The following ROBO2 variants were observed in gnomAD, a reference collection of about 807,000 sequenced individuals.
The protein encoded by ROBO2 is roundabout guidance receptor 2.
Under a neutral mutation model 160.8 loss-of-function variants are expected in ROBO2, and 53 were observed. The ratio of observed to expected loss-of-function variants is 0.33; its 90% CI spans 0.26 to 0.41. ROBO2 has a LOEUF of 0.41. Ranked by LOEUF, ROBO2 falls within the 10% of genes least tolerant of loss-of-function variation. The pLI is 1.00. For missense variants in ROBO2, 1,577 were observed against 1,722.4 expected (o/e 0.92, Z 1.49); for synonymous variants, 664 against 611.7 (o/e 1.09, Z -1.26).
intron 2 of ROBO2, among the ~76,000 whole-genome samples, chr3:76,019,966 T>C (rs142337958): frequency 3.1e-4 from 47 of 152,084 alleles, no homozygotes; most frequent in African/African-American, 1.1e-3. Flanking sequence ...ATTTGTATTA[T>C]GGCCTCCCCA....
intron 2 of ROBO2, among the ~76,000 whole-genome samples, chr3:76,240,576 C>T (rs1037542167): frequency 1.3e-5 from 2 of 152,048 alleles, no homozygotes; most frequent in African/African-American, 4.8e-5. Flanking sequence ...AATCTAAGTG[C>T]TATGATTGGA....
chr3:76,103,510 T>G (rs1198205485), intron 2 of ROBO2, among the ~76,000 whole-genome samples: 1 of 152,158 alleles, frequency 6.6e-6, no homozygotes, highest in Non-Finnish European at 1.5e-5. Context: ...ATGAAGAGAT[T>G]AGAATTATTC....
At chr3:76,446,668 G>T (rs567363144) in intron 2 of ROBO2, among the ~76,000 whole-genome samples, 377 of 152,290 alleles carry the variant, frequency 2.5e-3, no homozygotes, top group African/African-American at 8.5e-3. Flanking sequence ...AACCAAAGCA[G>T]CATGGTACTG....
intron 2 of ROBO2, among the ~76,000 whole-genome samples, chr3:77,437,211 G>T (rs899977519): frequency 1.3e-5 from 2 of 151,946 alleles, no homozygotes; most frequent in Non-Finnish European, 2.9e-5. Flanking sequence ...TGGCCTGCCA[G>T]CATGAAAATT....
Position 77,445,212 on chromosome 3 carries a change from C to T in ROBO2, c.389-32202C>T, listed in dbSNP as rs143953825. On this transcript the variant is annotated intron_variant, in intron 2 of 25. Coordinates refer to ENST00000461745, the Ensembl canonical transcript of ROBO2. ...GCCCACAGCATCATTAGCCACTCTA[C>T]GCTACTAGTGGAAAGATACATTTAA... is the stretch of plus-strand genomic sequence containing the variant. 5.5e-4 allele frequency among the ~76,000 whole-genome samples: 83 copies of T among 152,164 alleles called. 1 individual carries two copies. In the East Asian group the frequency reaches 0.013, roughly 24 times the overall value.
At chr3:76,649,998 T>A (rs1205925520) in intron 2 of ROBO2, among the ~76,000 whole-genome samples, 1 of 152,176 alleles carries the variant, frequency 6.6e-6, no homozygotes, top group African/African-American at 2.4e-5. Flanking sequence ...AAAAGTCTTT[T>A]AGGTAGCTAT....
Position 76,947,706 on chromosome 3 carries a change from G to C in ROBO2, c.110-150308G>C, listed in dbSNP as rs530644690. ...TCAAATTCCTGCAATCGATGACATG[G>C]GACTGGTTTTTTTCTTAGTTAACAA... On this transcript the variant is annotated intron_variant, in intron 2 of 26. Coordinates refer to the ROBO2 transcript ENST00000487694. Among the ~76,000 whole-genome samples, 147 of 149,322 alleles carry C rather than the reference G, an allele frequency of 9.8e-4. 1 individual carries two copies. The highest frequency in any genetic ancestry group is 1.6e-3 in the Non-Finnish European group (111 of 67,412).
intron 2 of ROBO2, among the ~76,000 whole-genome samples, chr3:76,755,501 G>A (rs983644492): frequency 1.1e-4 from 17 of 151,772 alleles, no homozygotes; most frequent in Non-Finnish European, 2.1e-4. Flanking sequence ...GATACTTAAA[G>A]CGTAACTAAA....
Position 77,076,595 on chromosome 3 carries a change from T to C in ROBO2, c.62-21419T>C, listed in dbSNP as rs111550503. 7.8e-3 allele frequency among the ~76,000 whole-genome samples: 1,188 copies of C among 152,242 alleles called. 8 individuals carry two copies. Among genetic ancestry groups the C allele is most frequent in the African/African-American group, 0.023 (944 of 41,554 alleles). On this transcript the variant is annotated intron_variant, in intron 1 of 25. Transcript: ENST00000461745. ...CAACCACCTATAAATTATTTCAAACTCAAATTATATGGAATCTTTACAAAT... is the reference window on the plus strand; with the variant it reads ...CAACCACCTATAAATTATTTCAAACCCAAATTATATGGAATCTTTACAAAT...
chr3:76,414,268 A>T (rs533794229), intron 2 of ROBO2, among the ~76,000 whole-genome samples: 17 of 152,304 alleles, frequency 1.1e-4, no homozygotes, highest in African/African-American at 3.9e-4. Context: ...CTGTATGCTT[A>T]TAAATAGATA....
intron 2 of ROBO2, among the ~76,000 whole-genome samples, chr3:76,816,124 C>A (rs144557072): frequency 6.6e-6 from 1 of 152,168 alleles, no homozygotes; most frequent in East Asian, 1.9e-4. Flanking sequence ...CTTCGCTACT[C>A]AAACAGGGAA....
intron 2 of ROBO2, among the ~76,000 whole-genome samples, chr3:76,930,991 C>CT (rs1457906702): frequency 3.3e-5 from 5 of 151,960 alleles, no homozygotes; most frequent in South Asian, 2.1e-4. Flanking sequence ...ATTGCGTAGC[C>CT]TTTTTTTTCT....
chr3:75,964,750 A>G (rs1369933593), intron 2 of ROBO2, among the ~76,000 whole-genome samples: 1 of 151,606 alleles, frequency 6.6e-6, no homozygotes, highest in Non-Finnish European at 1.5e-5. Context: ...ACTCTAATAT[A>G]TATCCCTGCA....
At chr3:77,530,052 A>G (rs1287496416) in intron 6 of ROBO2, among the ~76,000 whole-genome samples, 2 of 151,940 alleles carry the variant, frequency 1.3e-5, no homozygotes, top group South Asian at 2.1e-4. Context: ...TCATAGAAAA[A>G]CTACATTATT....
intron 2 of ROBO2, among the ~76,000 whole-genome samples, chr3:76,876,016 G>C (rs34675262): frequency 0.17 from 26,231 of 151,614 alleles, 2,389 homozygotes; most frequent in South Asian, 0.23. Flanking sequence ...CCAGCATAAT[G>C]CCCCATCTCA....
chr3:76,556,302 A>C (rs1482776070), intron 2 of ROBO2, among the ~76,000 whole-genome samples: 2 of 152,184 alleles, frequency 1.3e-5, no homozygotes, highest in Non-Finnish European at 2.9e-5. Flanking sequence ...ATTGGAGGGA[A>C]GGAAAATATG....
intron 2 of ROBO2, among the ~76,000 whole-genome samples, chr3:76,630,985 A>G (rs1393301106): frequency 1.3e-5 from 2 of 152,192 alleles, no homozygotes; most frequent in Non-Finnish European, 2.9e-5. Flanking sequence ...GAAAGTAACC[A>G]TCCAGAGTGC....
At chr3:76,127,894 C>CTTT (rs10691388) in intron 2 of ROBO2, among the ~76,000 whole-genome samples, 13,066 of 117,544 alleles carry the variant, frequency 0.11, 1,404 homozygotes, top group Non-Finnish European at 0.12. Context: ...GAAGACATTT[C>CTTT]TTTTTTTTTT....
At chr3:77,496,665 T>C (rs956879200) in intron 5 of ROBO2, among the ~76,000 whole-genome samples, 5 of 152,138 alleles carry the variant, frequency 3.3e-5, no homozygotes, top group African/African-American at 1.2e-4. Flanking sequence ...GAAAGCTTTG[T>C]AGGGCAGCTG....
Sources: gnomAD v4.1 joint callset for allele counts (sites outside exome capture counted in the v4.1 genomes callset) on GRCh38, gnomAD v4.1.1 for gene constraint, MANE v1.5 for transcripts, NCBI Gene and HGNC (gene_info 2026-07-23, HGNC 2026-07-21) for gene names.